FGF12: variants seen among roughly 807,000 people sequenced by gnomAD.
The protein encoded by FGF12 is fibroblast growth factor 12, also known as fibroblast growth factor 12B.
In FGF12, 14 loss-of-function variants were observed where a neutral mutation model predicts 23.6. That is an observed-to-expected ratio of 0.59 (90% CI 0.39 to 0.93). The LOEUF is 0.93. Among genes scored for constraint, FGF12 ranks in the 40% least tolerant of loss-of-function variants. FGF12 has a pLI of 0.00. For missense variants in FGF12, 175 were observed against 217.8 expected, an observed-to-expected ratio of 0.80 and a Z score of 1.24; for synonymous variants, 62 against 77.3, an observed-to-expected ratio of 0.80 and a Z score of 1.04.
chr3:192,406,164 A>G (rs1720948924), intron 2 of FGF12, among the ~76,000 whole-genome samples: 1 of 152,128 alleles, frequency 6.6e-6, no homozygotes, highest in African/African-American at 2.4e-5. Context: ...AAGAGCCCAC[A>G]GGAAGCAGCA....
intron 2 of FGF12, among the ~76,000 whole-genome samples, chr3:192,664,469 C>T (rs1452809816): frequency 2.0e-5 from 3 of 151,910 alleles, no homozygotes; most frequent in East Asian, 1.9e-4. Context: ...TCACCAAAGG[C>T]GGGGCACGGT....
chr3:192,301,832 G>A (rs1186261896), intron 4 of FGF12, among the ~76,000 whole-genome samples: 2 of 152,116 alleles, frequency 1.3e-5, no homozygotes, highest in Non-Finnish European at 2.9e-5. Flanking sequence ...TAGAAGTCAG[G>A]TAAGGAAGGG....
intron 4 of FGF12, among the ~76,000 whole-genome samples, chr3:192,321,052 A>G (rs1221363182): frequency 6.6e-6 from 1 of 152,120 alleles, no homozygotes. Context: ...AAATCAACAC[A>G]CTTTTAAGCC....
intron 2 of FGF12, among the ~76,000 whole-genome samples, chr3:192,554,508 A>C (rs937208270): frequency 2.0e-5 from 3 of 152,234 alleles, no homozygotes; most frequent in African/African-American, 7.2e-5. Flanking sequence ...GAGAAGAGGC[A>C]TCCATAGGAA....
At chr3:192,651,394 A>C (rs1577099688) in intron 2 of FGF12, among the ~76,000 whole-genome samples, 1 of 152,308 alleles carries the variant, frequency 6.6e-6, no homozygotes, top group South Asian at 2.1e-4. Context: ...CACCCTGTCA[A>C]GCTATGGATT....
rs1435065250 is a variant in FGF12, at chr3:192,162,328, T to C, written c.427+8130A>G. ...CCTTAGAAATGCATTCACTGTGCTA[T>C]ACATATTTACTATAATGAGATAACA... On this transcript the variant is annotated intron_variant, in intron 5 of 5. Transcript: ENST00000445105. Among the ~76,000 whole-genome samples, 4 of 152,150 alleles carry C rather than the reference T, an allele frequency of 2.6e-5. No individual in the cohort carries two copies. In the East Asian group the frequency reaches 7.7e-4, roughly 29 times the overall value.
chr3:192,420,559 T>G lies in FGF12; in HGVS notation c.14-60021A>C, dbSNP rs75223178. On this transcript the variant is annotated intron_variant, in intron 2 of 5. Coordinates refer to ENST00000445105, the MANE Select transcript of FGF12 (RefSeq NM_004113.6). ...TGAGTTCTCACTCTGTTAGTTCATGTGAGAGTTAATTGTTAAAAACAGTCT... is the reference window on the plus strand; with the variant it reads ...TGAGTTCTCACTCTGTTAGTTCATGGGAGAGTTAATTGTTAAAAACAGTCT... 4.3e-3 allele frequency among the ~76,000 whole-genome samples: 654 copies of G among 152,304 alleles called. 6 individuals carry two copies. The highest frequency in any genetic ancestry group is 0.015 in the African/African-American group (633 of 41,572).
chr3:192,187,031 A>G (rs1353583553), intron 4 of FGF12, among the ~76,000 whole-genome samples: 1 of 152,132 alleles, frequency 6.6e-6, no homozygotes, highest in Admixed American at 6.5e-5. Context: ...AAGGAAGCCA[A>G]CCTCACTACT....
At chr3:192,629,263 G>C (rs1279237242) in intron 2 of FGF12, among the ~76,000 whole-genome samples, 7 of 152,290 alleles carry the variant, frequency 4.6e-5, no homozygotes, top group African/African-American at 1.7e-4. Context: ...ACTGAACACA[G>C]CAAGTTGATT....
At chr3:192,309,360 A>G (rs977420560) in intron 4 of FGF12, among the ~76,000 whole-genome samples, 3 of 152,224 alleles carry the variant, frequency 2.0e-5, no homozygotes, top group African/African-American at 7.2e-5. Context: ...TTTTCCACAC[A>G]TTTGAAGAAA....
intron 2 of FGF12, among the ~76,000 whole-genome samples, chr3:192,552,611 C>T (rs1032640388): frequency 8.5e-5 from 13 of 152,094 alleles, no homozygotes; most frequent in African/African-American, 1.9e-4. Context: ...TACAGGCCAG[C>T]CAGGCATGGT....
chr3:192,322,627 T>C (rs1716610186), intron 4 of FGF12, among the ~76,000 whole-genome samples: 1 of 151,826 alleles, frequency 6.6e-6, no homozygotes, highest in Admixed American at 6.6e-5. Flanking sequence ...CAAAACAACA[T>C]GGTAGTGGCA....
At chr3:192,388,822 T>TA (rs200300594) in intron 2 of FGF12, among the ~76,000 whole-genome samples, 17 of 150,958 alleles carry the variant, frequency 1.1e-4, no homozygotes, top group African/African-American at 2.4e-4. Flanking sequence ...TATTCAATTT[T>TA]AAAAAAAAAT....
intron 2 of FGF12, among the ~76,000 whole-genome samples, chr3:192,378,020 TCTTTC>T (rs1278631760): frequency 4.6e-5 from 4 of 87,024 alleles, no homozygotes; most frequent in Non-Finnish European, 6.2e-5. Flanking sequence ...TTCTTCTGAC[TCTTTC>T]TTTTCTTTCT....
chr3:192,479,711 C>T (rs1272622435), intron 2 of FGF12, among the ~76,000 whole-genome samples: 1 of 152,160 alleles, frequency 6.6e-6, no homozygotes, highest in African/African-American at 2.4e-5. Flanking sequence ...TCATTTGGTC[C>T]ATTTTAACTG....
intron 2 of FGF12, among the ~76,000 whole-genome samples, chr3:192,680,075 T>C (rs1423306282): frequency 6.6e-6 from 1 of 151,974 alleles, no homozygotes; most frequent in Non-Finnish European, 1.5e-5. Context: ...CTGGAAAAAA[T>C]AGCTTATCGA....
At chr3:192,588,326 G>C (rs1389745045) in intron 2 of FGF12, among the ~76,000 whole-genome samples, 34 of 130,082 alleles carry the variant, frequency 2.6e-4, no homozygotes, top group Non-Finnish European at 1.3e-4. Flanking sequence ...CTCCAGCCTG[G>C]GCGACAGAGC....
At chr3:192,371,923 T>G (rs1258018604) in intron 2 of FGF12, among the ~76,000 whole-genome samples, 1 of 152,174 alleles carries the variant, frequency 6.6e-6, no homozygotes, top group African/African-American at 2.4e-5. Context: ...CTTCTTTAAC[T>G]GTGATCAGCC....
rs375999433 is a variant in FGF12 at position 192,526,555 on chromosome 3, T to TAC, written c.14-166019_14-166018dup. On this transcript the variant is annotated intron_variant, in intron 2 of 5. Transcript: ENST00000445105. ...TCAAGCTTATAAACACACACACGCA[T>TAC]ACACACACACACACATGCACACAGA... Among the ~76,000 whole-genome samples, 473 of 151,380 alleles carry TAC rather than the reference T, an allele frequency of 3.1e-3. 3 individuals carry two copies. The highest frequency in any genetic ancestry group is 4.8e-3 in the Non-Finnish European group (323 of 67,730).
Sources: allele counts gnomAD v4.1 joint callset (sites outside exome capture counted in the v4.1 genomes callset), GRCh38; gene constraint gnomAD v4.1.1; transcripts MANE v1.5; gene names NCBI Gene and HGNC (gene_info 2026-07-23, HGNC 2026-07-21).